Variants in AMOT observed in about 807,000 individuals in gnomAD.
AMOT encodes the protein angiomotin.
In AMOT, 11 loss-of-function variants were observed where a neutral mutation model predicts 67.0. That is an observed-to-expected ratio of 0.16 (90% CI 0.10 to 0.27). The LOEUF is 0.27. AMOT is among the 10% of genes least tolerant of loss of function. AMOT has a pLI of 1.00. For missense variants in AMOT, 753 were observed against 852.0 expected, an observed-to-expected ratio of 0.88 and a Z score of 1.45; for synonymous variants, 326 against 321.4, an observed-to-expected ratio of 1.01 and a Z score of -0.15.
chrX:112,817,930 C>T (rs760377245), intron 4 of AMOT, among the ~76,000 whole-genome samples: 1 of 111,480 alleles, frequency 9.0e-6, no homozygotes, highest in Non-Finnish European at 1.9e-5. Flanking sequence ...AGGTAAAAGA[C>T]TAAGTGCTCT....
In AMOT at chrX:112,830,229, T is replaced by TAAG. The variant is rs760646673; in HGVS notation, c.-212+2062_-212+2064dup. On this transcript the variant is annotated intron_variant, in intron 2 of 13. Transcript: ENST00000371959. ...GTTTTTACAAGCAATGAATTATTAA[T>TAAG]AAGATGTAATTTTGGATCCTGCATT... 5.4e-4 allele frequency among the ~76,000 whole-genome samples: 61 copies of TAAG among 112,136 alleles called. 2 individuals carry two copies. Among genetic ancestry groups the TAAG allele is most frequent in the Admixed American group, 5.2e-3 (55 of 10,556 alleles).
chrX:112,806,780 T>G (rs1341555780), intron 7 of AMOT, among the ~76,000 whole-genome samples: 2 of 112,087 alleles, frequency 1.8e-5, no homozygotes, highest in African/African-American at 6.5e-5. Context: ...TGGCTGTACC[T>G]TGTTCCAGTA....
At chrX:112,823,964 G>T (rs1283301606) in intron 3 of AMOT, among the ~76,000 whole-genome samples, 1 of 111,540 alleles carries the variant, frequency 9.0e-6, no homozygotes, top group African/African-American at 3.3e-5. Flanking sequence ...ACAAAATTTA[G>T]AAATTGAAAA....
At chrX:112,798,514 A>G (rs1477849652) in intron 8 of AMOT, among the ~76,000 whole-genome samples, 1 of 112,259 alleles carries the variant, frequency 8.9e-6, no homozygotes, top group Admixed American at 9.4e-5. Context: ...TTAAGGGTAG[A>G]GCCCTTCTAT....
intron 4 of AMOT, among the ~76,000 whole-genome samples, chrX:112,816,140 C>T (rs1038916759): frequency 8.9e-6 from 1 of 111,861 alleles, no homozygotes; most frequent in Non-Finnish European, 1.9e-5. Flanking sequence ...AGACAACTTC[C>T]ATGGTCACTT....
At chrX:112,781,762 C>G (rs971626270) in intron 11 of AMOT, among the ~76,000 whole-genome samples, 7 of 111,591 alleles carry the variant, frequency 6.3e-5, no homozygotes, top group Admixed American at 9.5e-5. Context: ...GAATCTCAGT[C>G]AATGGAAACA....
chrX:112,789,810 CCCAAGTCATCA>C (rs1312742959), intron 10 of AMOT, among the ~76,000 whole-genome samples: 3 of 109,687 alleles, frequency 2.7e-5, no homozygotes, highest in African/African-American at 9.9e-5. Flanking sequence ...ATCGCCACAA[CCCAAGTCATCA>C]CCTGACTTTA....
intron 8 of AMOT, among the ~76,000 whole-genome samples, chrX:112,804,015 G>C (rs1368834586): frequency 9.0e-6 from 1 of 111,632 alleles, no homozygotes; most frequent in Non-Finnish European, 1.9e-5. Flanking sequence ...TAGTAGTCCA[G>C]TGCAATAACA....
intron 2 of AMOT, among the ~76,000 whole-genome samples, chrX:112,831,640 A>C (rs1236154977): frequency 9.1e-6 from 1 of 110,030 alleles, no homozygotes; most frequent in Non-Finnish European, 1.9e-5. Context: ...GAGGAGGAAA[A>C]TATCAAAAAC....
intron 4 of AMOT, among the ~76,000 whole-genome samples, chrX:112,821,472 A>G (rs1417363188): frequency 8.9e-6 from 1 of 112,105 alleles, no homozygotes; most frequent in African/African-American, 3.2e-5. Context: ...TAGCAGTGGG[A>G]CAATGGACCT....
chrX:112,818,430 G>A (rs893762844), intron 4 of AMOT, among the ~76,000 whole-genome samples: 1 of 111,840 alleles, frequency 8.9e-6, no homozygotes, highest in African/African-American at 3.3e-5. Context: ...GCAGAGACAA[G>A]GCAGCTGCCC....
Position 112,823,177 on chromosome X carries a change from G to C in AMOT, c.-51C>G. 1.8e-6 allele frequency: 2 copies of C among 1,103,857 alleles called. No homozygotes were observed. Among genetic ancestry groups the C allele is most frequent in the Non-Finnish European group, 2.4e-6 (2 of 833,931 alleles). The allele number at this position is 1,103,857 out of a possible 1,213,427, so 91.0% of individuals were successfully genotyped here. A position where few individuals can be genotyped will look rare whatever the true frequency, so the allele number is the denominator to read the frequency against. On this transcript the variant is annotated 5_prime_UTR_variant, in exon 4 of 14. Transcript: ENST00000371959. Reference sequence around the variant, plus strand: ...AGAGAGAGAGAAATTGGGCACCTGGGCTGCCCTTGACCTGGGAAGGGGAAA... The same window carrying C: ...AGAGAGAGAGAAATTGGGCACCTGGCCTGCCCTTGACCTGGGAAGGGGAAA...
chrX:112,793,173 C>T (rs1933674798), intron 8 of AMOT, among the ~76,000 whole-genome samples: 1 of 110,669 alleles, frequency 9.0e-6, no homozygotes. Context: ...TGTCATTATT[C>T]TTCTGATGGA....
intron 2 of AMOT, among the ~76,000 whole-genome samples, chrX:112,826,419 T>TA (rs1204190743): frequency 8.9e-6 from 1 of 112,542 alleles, no homozygotes; most frequent in African/African-American, 3.2e-5. Context: ...AGATATAGAG[T>TA]GAACAAACAC....
At chrX:112,821,398 A>G (rs1219036301) in intron 4 of AMOT, among the ~76,000 whole-genome samples, 1 of 111,746 alleles carries the variant, frequency 8.9e-6, no homozygotes, top group Non-Finnish European at 1.9e-5. Flanking sequence ...GATCAGAGAC[A>G]TGGCCCAAAT....
At chrX:112,804,898 T>TGG in intron 8 of AMOT, 49 bp downstream of exon 8, 24 of 837,546 alleles carry the variant, frequency 2.9e-5, no homozygotes, top group East Asian at 3.8e-5. Flanking sequence ...GTCCCCGATT[T>TGG]CCCAGCCCTC....
chrX:112,783,948 G>T, intron 10 of AMOT, among the ~76,000 whole-genome samples: 1 of 110,829 alleles, frequency 9.0e-6, no homozygotes, highest in East Asian at 2.8e-4. Flanking sequence ...GGGATGAAGC[G>T]GCAAGAAAAA....
At position 112,775,926 on chromosome X, in the gene AMOT, T is replaced by C. The variant is rs1489922310; in HGVS notation, c.*2641A>G. On this transcript the variant is annotated 3_prime_UTR_variant, in exon 14 of 14. Coordinates refer to ENST00000371959, the MANE Select transcript of AMOT (RefSeq NM_001113490.2). ...CACACAACTGTGAAAAGGTGGCTAA[T>C]TGAGATTTCTCCCATAAACTTGAAT... The C allele has an allele frequency of 2.7e-5, 3 of 112,394 alleles. No individual in the cohort carries two copies. The highest frequency in any genetic ancestry group is 5.6e-5 in the Non-Finnish European group (3 of 53,261). 9.3% of individuals were successfully genotyped at this position (112,394 alleles called of 1,213,427 possible).
chrX:112,840,236 C>T lies in AMOT; in HGVS notation c.-289+216G>A, dbSNP rs761215399. On this transcript the variant is annotated intron_variant, in intron 1 of 13. Coordinates refer to ENST00000371959, the MANE Select transcript of AMOT (RefSeq NM_001113490.2). ...CTAGTAGTGGTACCCACTAGCATCT[C>T]CTCACCGAAGTAGGACGGGAAAGCA... Among the ~76,000 whole-genome samples the T allele has an allele frequency of 2.6e-3, 289 of 111,530 alleles. 1 individual carries two copies. Among genetic ancestry groups the T allele is most frequent in the African/African-American group, 9.2e-3 (281 of 30,635 alleles).
Sources: gnomAD v4.1 joint callset for allele counts (sites outside exome capture counted in the v4.1 genomes callset) on GRCh38, gnomAD v4.1.1 for gene constraint, MANE v1.5 for transcripts, NCBI Gene and HGNC (gene_info 2026-07-23, HGNC 2026-07-21) for gene names.